PCDHGB1: variants seen among roughly 807,000 people sequenced by gnomAD.
PCDHGB1 encodes the protein protocadherin gamma subfamily B, 1.
PCDHGB1 carries 34 observed loss-of-function variants against 56.6 expected under a neutral mutation model. The observed-to-expected ratio is 0.60, with a 90% CI of 0.46 to 0.80. The LOEUF (loss-of-function observed/expected upper bound fraction) is 0.80, where lower values mean the gene tolerates loss of function less well. Ranked by LOEUF, PCDHGB1 falls within the 30% of genes least tolerant of loss-of-function variation. The pLI is 0.00. For missense variants in PCDHGB1, 1,278 were observed against 1,204.6 expected (o/e 1.06, Z -0.90); for synonymous variants, 561 against 505.9 (o/e 1.11, Z -1.46).
chr5:141,481,181 G>C (rs1364223040), intron 1 of PCDHGB1, among the ~76,000 whole-genome samples: 1 of 152,154 alleles, frequency 6.6e-6, no homozygotes, highest in Non-Finnish European at 1.5e-5. Context: ...CAGCTTTATT[G>C]GGCCAGGCCC....
intron 1 of PCDHGB1, chr5:141,362,311 T>C (rs375210721): frequency 2.2e-5 from 35 of 1,613,970 alleles, no homozygotes; most frequent in Non-Finnish European, 2.8e-5. Context: ...TGCTTGGGAC[T>C]GTTTTCAGCC....
Position 141,352,397 on chromosome 5 carries a change from C to G in PCDHGB1, c.2137C>G (p.Arg713Gly), listed in dbSNP as rs761570903. 3.7e-6 allele frequency: 6 copies of G among 1,614,058 alleles called. No homozygotes were observed. In the Admixed American group the frequency reaches 1.0e-4, roughly 27 times the overall value. ...VILAIALRLR[R>G]SSSLDTEGCF... ...TCTAGCGATCGCCCTGCGCCTGCGA[C>G]GTTCCTCCAGCCTCGACACTGAGGG... is the stretch of plus-strand genomic sequence containing the variant. The change falls in exon 1 of 4, where the codon CGT becomes GGT. Residue 713 changes from arginine to glycine, a missense_variant. By Grantham distance (125) the Arg-to-Gly change is moderately radical (BLOSUM62 -2). Transcript: ENST00000523390.
chr5:141,397,949 A>AGCCCCAGCTCAGAC (rs1391996511), intron 1 of PCDHGB1: 1 of 916,660 alleles, frequency 1.1e-6, no homozygotes, highest in Non-Finnish European at 1.6e-6. Context: ...TTTCCAGGGC[A>AGCCCCAGCTCAGAC]GCCCCAGCTC....
In PCDHGB1 at chr5:141,350,355, G is replaced by T; in HGVS notation, c.95G>T (p.Arg32Leu). The change falls in exon 1 of 4, where the codon CGA becomes CTA. Residue 32 changes from arginine to leucine, a missense_variant. Transcript: ENST00000523390. ...TGCGGGGCCATCTCCCAGCAGATCC[G>T]ATACACGATTCCAGAGGAGCTAGCC... ...LFCGAISQQI[R>L]YTIPEELANG... The T allele has an allele frequency of 6.4e-7, 1 of 1,565,964 alleles. No individual in the cohort carries two copies. Among genetic ancestry groups the T allele is most frequent in the Non-Finnish European group, 8.7e-7 (1 of 1,155,666 alleles).
At chr5:141,389,984 C>A (rs1388496409) in intron 1 of PCDHGB1, 1 of 1,613,952 alleles carries the variant, frequency 6.2e-7, no homozygotes, top group East Asian at 2.2e-5. Flanking sequence ...TCTCAGTGCT[C>A]TTCCTCGTGG....
Position 141,477,673 on chromosome 5 carries a change from G to A in PCDHGB1, c.2410-17134G>A. The A allele has an allele frequency of 1.2e-6, 2 of 1,614,168 alleles. No individual in the cohort carries two copies. The highest frequency in any genetic ancestry group is 8.5e-7 in the Non-Finnish European group (1 of 1,180,050). ...CAATAAATCGTGACAATGGCATAGT[G>A]TCATCCTTAGTGCCCCTAGACTATG... On this transcript the variant is annotated intron_variant, in intron 1 of 3. Coordinates refer to ENST00000523390, the MANE Select transcript of PCDHGB1 (RefSeq NM_018922.3). This position sits in a 1 kb window ranked among gnomAD's most constrained non-coding sequence, Gnocchi z 4.9.
chr5:141,428,181 A>G, intron 1 of PCDHGB1: 2 of 1,486,230 alleles, frequency 1.3e-6, no homozygotes, highest in Non-Finnish European at 1.8e-6. Flanking sequence ...GACGGAGGAC[A>G]GCCGCCGCTC....
intron 1 of PCDHGB1, among the ~76,000 whole-genome samples, chr5:141,401,328 G>A (rs919361243): frequency 3.3e-5 from 5 of 151,962 alleles, no homozygotes; most frequent in Non-Finnish European, 7.4e-5. Context: ...GGCAACAAGA[G>A]CAAAACTCCA....
At position 141,352,133 on chromosome 5, in the gene PCDHGB1, G is replaced by C; in HGVS notation, c.1873G>C (p.Ala625Pro). Reference sequence around the variant, plus strand: ...GTTGCGCACGGGTGAGGTGCGCACAGCGCGTGCCTTGGGCGACAGGGACGC... The same window carrying C: ...GTTGCGCACGGGTGAGGTGCGCACACCGCGTGCCTTGGGCGACAGGGACGC... The part of the protein sequence containing the change: ...LGLRTGEVRT[A>P]RALGDRDAAR... The change falls in exon 1 of 4, where the codon GCG (alanine) becomes CCG (proline). Residue 625 changes from alanine (A) to proline (P), a missense_variant. Physicochemically the swap from Ala to Pro is conservative, Grantham distance 27. Coordinates refer to ENST00000523390, the MANE Select transcript of PCDHGB1 (RefSeq NM_018922.3). The C allele has an allele frequency of 6.2e-7, 1 of 1,610,966 alleles. No homozygotes were observed. Among genetic ancestry groups the C allele is most frequent in the Non-Finnish European group, 8.5e-7 (1 of 1,179,108 alleles).
intron 1 of PCDHGB1, chr5:141,424,783 T>C (rs1285808638): frequency 1.3e-5 from 2 of 152,212 alleles, no homozygotes; most frequent in African/African-American, 4.8e-5. Flanking sequence ...TACATTCAGT[T>C]CTTTTATTCA....
chr5:141,476,523 C>G lies in PCDHGB1; in HGVS notation c.2410-18284C>G. On this transcript the variant is annotated intron_variant, in intron 1 of 3. Transcript: ENST00000523390. This position sits in a 1 kb window ranked among gnomAD's most constrained non-coding sequence, Gnocchi z 7.6. ...ATCAACGACAACAATCCTGCTTTCC[C>G]TACCCAGGAAATGAAATTGGAGATT... is the stretch of plus-strand genomic sequence containing the variant. 1 of 1,614,218 alleles carries G rather than the reference C, an allele frequency of 6.2e-7. No individual in the cohort carries two copies.
chr5:141,494,546 G>T (rs984336435), intron 1 of PCDHGB1, among the ~76,000 whole-genome samples: 1 of 152,152 alleles, frequency 6.6e-6, no homozygotes, highest in African/African-American at 2.4e-5. Context: ...GGAGGAAGGG[G>T]CCATTTCTTT....
chr5:141,371,872 C>T (rs1206900205), intron 1 of PCDHGB1: 3 of 1,613,534 alleles, frequency 1.9e-6, no homozygotes, highest in East Asian at 2.2e-5. Flanking sequence ...TACATCGTGG[C>T]CAGTGACCTG....
chr5:141,460,983 G>GTGTATA (rs1554142949), intron 1 of PCDHGB1, among the ~76,000 whole-genome samples: 24 of 137,844 alleles, frequency 1.7e-4, no homozygotes, highest in African/African-American at 5.4e-4. Context: ...GTGTGTGTGT[G>GTGTATA]TATATATATA....
intron 1 of PCDHGB1, chr5:141,370,415 G>A: frequency 6.4e-7 from 1 of 1,569,830 alleles, no homozygotes; most frequent in Non-Finnish European, 8.6e-7. Flanking sequence ...GCTCCGGATG[G>A]AGGGGCCCAG....
chr5:141,482,622 A>G (rs1197606374), intron 1 of PCDHGB1, among the ~76,000 whole-genome samples: 1 of 151,936 alleles, frequency 6.6e-6, no homozygotes, highest in Non-Finnish European at 1.5e-5. Context: ...AGCCTGGAGA[A>G]AGGAAGAAAT....
intron 1 of PCDHGB1, chr5:141,364,242 G>C (rs192201180): frequency 2.1e-6 from 3 of 1,451,222 alleles, no homozygotes; most frequent in East Asian, 2.4e-5. Context: ...GCCCATTTTC[G>C]TCAGGGAATA....
At chr5:141,392,873 G>C (rs1280602911) in intron 1 of PCDHGB1, 1 of 1,613,382 alleles carries the variant, frequency 6.2e-7, no homozygotes, top group Admixed American at 1.7e-5. Flanking sequence ...GCGCGCTGCT[G>C]GGAACGCTGT....
At chr5:141,417,621 A>G in intron 1 of PCDHGB1, 1 of 662,852 alleles carries the variant, frequency 1.5e-6, no homozygotes, top group Non-Finnish European at 2.4e-6. Context: ...GTGCAGAGCA[A>G]GCGCTGACGC....
Sources: gnomAD v4.1 joint callset for allele counts (sites outside exome capture counted in the v4.1 genomes callset) on GRCh38, gnomAD v4.1.1 for gene constraint, Gnocchi (gnomAD v3.1) non-coding constraint, MANE v1.5 for transcripts, NCBI Gene and HGNC (gene_info 2026-07-23, HGNC 2026-07-21) for gene names.